Variants in ZNF75D observed in about 807,000 individuals in gnomAD.
The protein encoded by ZNF75D is zinc finger protein 75D.
Under a neutral mutation model 33.3 loss-of-function variants are expected in ZNF75D, and 33 were observed. The observed-to-expected ratio is 0.99, with a 90% CI of 0.75 to 1.32. ZNF75D has a LOEUF of 1.32. ZNF75D is among the 40% of genes most tolerant of loss of function. The pLI, the probability that ZNF75D is intolerant of heterozygous loss-of-function variation, is 0.00. For missense variants in ZNF75D, 338 were observed against 367.5 expected (o/e 0.92, Z 0.66); for synonymous variants, 113 against 130.6 (o/e 0.87, Z 0.92).
At chrX:135,292,604 G>A (rs1409947228) in intron 3 of ZNF75D, 131 bp from the exon 4 acceptor site, 1 of 503,722 alleles carries the variant, frequency 2.0e-6, no homozygotes. Flanking sequence ...AAAGAATGAA[G>A]AGGTATTGTG....
chrX:135,286,782 A>T lies in ZNF75D; in HGVS notation c.*355T>A. 6.0e-6 allele frequency: 1 copy of T among 165,934 alleles called. No homozygotes were observed. Among genetic ancestry groups the T allele is most frequent in the Non-Finnish European group, 1.1e-5 (1 of 89,953 alleles). 13.7% of individuals were successfully genotyped at this position (165,934 alleles called of 1,213,427 possible). On this transcript the variant is annotated 3_prime_UTR_variant, in exon 7 of 7. Coordinates refer to ENST00000370766, the MANE Select transcript of ZNF75D (RefSeq NM_007131.5). Reference sequence around the variant, plus strand: ...CTCTTGACAAAGAGTAAAAAATGAGACTAAGAGCCTTGACTATCATATGTC... The same window carrying T: ...CTCTTGACAAAGAGTAAAAAATGAGTCTAAGAGCCTTGACTATCATATGTC...
chrX:135,280,929 T>C (rs782741327), downstream of ZNF75D, among the ~76,000 whole-genome samples: 23 of 112,020 alleles, frequency 2.1e-4, no homozygotes, highest in African/African-American at 7.4e-4. Flanking sequence ...CATTTTTTCC[T>C]TCATTTCAAC....
At chrX:135,308,408 T>C (rs904784782) in intron 1 of ZNF75D, among the ~76,000 whole-genome samples, 1 of 112,265 alleles carries the variant, frequency 8.9e-6, no homozygotes, top group Non-Finnish European at 1.9e-5. Context: ...CATCCTTTTG[T>C]GCCATAACCT....
chrX:135,330,136 C>G (rs1961512334), intron 1 of ZNF75D, among the ~76,000 whole-genome samples: 1 of 112,118 alleles, frequency 8.9e-6, no homozygotes, highest in Non-Finnish European at 1.9e-5. Flanking sequence ...AGAGCAGATT[C>G]TAGATACAGA....
At chrX:135,275,671 A>G (rs1556417504) in intron 1 of ZNF75D, among the ~76,000 whole-genome samples, 1 of 110,184 alleles carries the variant, frequency 9.1e-6, no homozygotes, top group East Asian at 2.8e-4. Flanking sequence ...TATATATAAT[A>G]TATTTATTAG....
chrX:135,306,064 C>T (rs1602626050), intron 1 of ZNF75D, among the ~76,000 whole-genome samples: 1 of 111,359 alleles, frequency 9.0e-6, no homozygotes, highest in South Asian at 3.8e-4. Flanking sequence ...GTGTCCACAG[C>T]AACTCTGTCA....
chrX:135,311,502 T>C lies in ZNF75D; in HGVS notation c.-390-15463A>G, dbSNP rs782584860. On this transcript the variant is annotated intron_variant, in intron 1 of 6. Transcript: ENST00000370766. ...TTGTGAAATGGCTAAATTAAGCTAA[T>C]TATATGCTTATCATTACATTATATG... Among the ~76,000 whole-genome samples the C allele has an allele frequency of 1.1e-3, 126 of 112,729 alleles. 1 individual carries two copies. The highest frequency in any genetic ancestry group is 3.8e-3 in the African/African-American group (118 of 30,983).
chrX:135,337,265 CTGT>C (rs1442241483), intron 1 of ZNF75D, among the ~76,000 whole-genome samples: 4 of 111,997 alleles, frequency 3.6e-5, no homozygotes, highest in African/African-American at 6.5e-5. Flanking sequence ...AGTCATTACA[CTGT>C]TATTACTTTG....
intron 1 of ZNF75D, among the ~76,000 whole-genome samples, chrX:135,321,453 G>A (rs2084494442): frequency 8.9e-6 from 1 of 112,334 alleles, no homozygotes; most frequent in African/African-American, 3.2e-5. Flanking sequence ...AATTAGTGTT[G>A]GATGTTTATG....
At chrX:135,288,669 C>T (rs1281801307) in intron 6 of ZNF75D, among the ~76,000 whole-genome samples, 3 of 112,297 alleles carry the variant, frequency 2.7e-5, no homozygotes, top group African/African-American at 9.7e-5. Flanking sequence ...CTGTTTAACA[C>T]AAGTCTTATT....
At chrX:135,253,668 T>C (rs1433608727) in intron 2 of ZNF75D, 1 of 258,092 alleles carries the variant, frequency 3.9e-6, no homozygotes, top group Non-Finnish European at 6.8e-6. Context: ...GGGCTTCTGT[T>C]CATCCTAACA....
intron 1 of ZNF75D, among the ~76,000 whole-genome samples, chrX:135,257,918 C>A (rs1252832198): frequency 9.1e-6 from 1 of 109,932 alleles, no homozygotes; most frequent in African/African-American, 3.3e-5. Context: ...CCCATCAACT[C>A]ATCATTCACA....
intron 1 of ZNF75D, among the ~76,000 whole-genome samples, chrX:135,322,800 G>T (rs782806774): frequency 1.8e-3 from 202 of 112,111 alleles, no homozygotes; most frequent in Non-Finnish European, 3.0e-3. Flanking sequence ...TGGGGACTAC[G>T]GCCATAGAAA....
rs1556419651 is a variant in ZNF75D at position 135,287,114 on chromosome X, C to T, written c.*23G>A. On this transcript the variant is annotated 3_prime_UTR_variant, in exon 7 of 7. Coordinates refer to ENST00000370766, the MANE Select transcript of ZNF75D (RefSeq NM_007131.5). Reference sequence around the variant, plus strand: ...TGTATTCTTTCACCACTTCTAAAGTCAAGCTCTACATGGTAACTTTCCTCA... The same window carrying T: ...TGTATTCTTTCACCACTTCTAAAGTTAAGCTCTACATGGTAACTTTCCTCA... The T allele has an allele frequency of 6.1e-6, 7 of 1,146,955 alleles. No homozygotes were observed. Among genetic ancestry groups the T allele is most frequent in the Non-Finnish European group, 7.0e-6 (6 of 852,954 alleles). 94.5% of individuals were successfully genotyped at this position (1,146,955 alleles called of 1,213,427 possible). A position where few individuals can be genotyped will look rare whatever the true frequency, so the allele number is the denominator to read the frequency against.
chrX:135,259,792 T>C (rs2083830508), intron 1 of ZNF75D, among the ~76,000 whole-genome samples: 1 of 112,007 alleles, frequency 8.9e-6, no homozygotes, highest in Non-Finnish European at 1.9e-5. Context: ...TATTTCCTTC[T>C]CTTGCCTGAT....
At chrX:135,320,257 C>T (rs1556433699) in intron 1 of ZNF75D, among the ~76,000 whole-genome samples, 1 of 106,635 alleles carries the variant, frequency 9.4e-6, no homozygotes, top group Non-Finnish European at 1.9e-5. Context: ...CGTGCCACTT[C>T]ACTCCAGCCT....
intron 1 of ZNF75D, among the ~76,000 whole-genome samples, chrX:135,319,945 G>C (rs144125935): frequency 2.2e-4 from 25 of 112,560 alleles, no homozygotes; most frequent in African/African-American, 7.4e-4. Context: ...TTTCCAAACA[G>C]ACATTTGTCA....
At position 135,276,343 on chromosome X, in the gene ZNF75D, A is replaced by G. The variant is rs534919802; in HGVS notation, n.828-20566T>C. 4.5e-5 allele frequency among the ~76,000 whole-genome samples: 5 copies of G among 111,918 alleles called. No homozygotes were observed. The East Asian group carries it at 1.4e-3, about 31-fold the overall frequency. On this transcript the variant is annotated intron_variant and non_coding_transcript_variant, in intron 1 of 3. Coordinates refer to the ZNF75D transcript ENST00000494295. ...TATACCACATTTTCTTTATTCATCT[A>G]CTCATGAACACTTAGGTTGATTTCA...
intron 1 of ZNF75D, among the ~76,000 whole-genome samples, chrX:135,312,645 T>C (rs2084373272): frequency 9.0e-6 from 1 of 110,763 alleles, no homozygotes. Context: ...TCCACATCCT[T>C]GCCAGCATCT....
Sources: allele counts gnomAD v4.1 joint callset (sites outside exome capture counted in the v4.1 genomes callset), GRCh38; gene constraint gnomAD v4.1.1; transcripts MANE v1.5; gene names NCBI Gene and HGNC (gene_info 2026-07-23, HGNC 2026-07-21).